PIEZO2: variants seen among roughly 807,000 people sequenced by gnomAD.
PIEZO2 encodes piezo-type mechanosensitive ion channel component 2.
Under a neutral mutation model 337.3 loss-of-function variants are expected in PIEZO2, and 172 were observed. The observed-to-expected ratio is 0.51, with a 90% confidence interval of 0.45 to 0.58. The LOEUF (loss-of-function observed/expected upper bound fraction) is 0.58. Among genes scored for constraint, PIEZO2 ranks in the 20% least tolerant of loss-of-function variants. The pLI, the probability that PIEZO2 is intolerant of heterozygous loss-of-function variation, is 0.00. For synonymous variants in PIEZO2, 1,251 were observed against 1,228.5 expected, an observed-to-expected ratio of 1.02 and a Z score of -0.38; for missense variants, 3,028 against 3,391.3, an observed-to-expected ratio of 0.89 and a Z score of 2.66.
chr18:10,737,216 C>T (rs2037032712), intron 33 of PIEZO2, among the ~76,000 whole-genome samples: 1 of 150,700 alleles, frequency 6.6e-6, no homozygotes, highest in Non-Finnish European at 1.5e-5. Context: ...TCCTCCTTCA[C>T]TTTACACTGT....
intron 52 of PIEZO2, among the ~76,000 whole-genome samples, chr18:10,679,538 AG>A (rs1749103374): frequency 5.5e-5 from 1 of 18,178 alleles, no homozygotes; most frequent in Non-Finnish European, 4.8e-4. Context: ...TCTAAAAACC[AG>A]TATTAATTTA....
At chr18:11,041,634 C>T (rs988489568) in intron 2 of PIEZO2, among the ~76,000 whole-genome samples, 1 of 152,200 alleles carries the variant, frequency 6.6e-6, no homozygotes, top group Admixed American at 6.5e-5. Flanking sequence ...GTTTACACTA[C>T]ATTTTTTCAT....
Position 10,821,576 on chromosome 18 carries a change from A to G in PIEZO2, c.918-14302T>C, listed in dbSNP as rs2040521321. On this transcript the variant is annotated intron_variant, in intron 7 of 55. Coordinates refer to ENST00000674853, the MANE Select transcript of PIEZO2 (RefSeq NM_001378183.1). This position sits in a 1 kb window ranked among gnomAD's most constrained non-coding sequence, Gnocchi z 4.2. The stretch of plus-strand genomic sequence containing the variant: ...CTTATACATTAAAATGAATAATTAC[A>G]TCTTGCCTTATTTTCTCTCTTCTTA... Among the ~76,000 whole-genome samples, 1 of 152,214 alleles carries G rather than the reference A, an allele frequency of 6.6e-6. No individual in the cohort carries two copies. The highest frequency in any genetic ancestry group is 1.5e-5 in the Non-Finnish European group (1 of 68,042).
chr18:10,989,859 TAG>T (rs2035022295), intron 2 of PIEZO2, among the ~76,000 whole-genome samples: 2 of 152,068 alleles, frequency 1.3e-5, no homozygotes, highest in South Asian at 4.1e-4. Context: ...AACATACTGG[TAG>T]TAGAGTGAAA....
In PIEZO2 at chr18:10,989,522, A is replaced by C. The variant is rs1393912809; in HGVS notation, c.161-9862T>G. ...AAAAAGGAGAGATGGATTTGACTGC[A>C]CGGAAACTGGAGATTCAACAAATGC... On this transcript the variant is annotated intron_variant, in intron 2 of 55. Transcript: ENST00000674853. Among the ~76,000 whole-genome samples, 3 of 151,956 alleles carry C rather than the reference A, an allele frequency of 2.0e-5. No homozygotes were observed. The East Asian group carries it at 5.8e-4, about 29-fold the overall frequency.
Position 10,886,376 on chromosome 18 carries a change from GTGTGTATATATATATATATA to G in PIEZO2, c.330-14981_330-14962del, listed in dbSNP as rs1416164326. On this transcript the variant is annotated intron_variant, in intron 4 of 55. Transcript: ENST00000674853. ...CACACACACACATATATATGTGTGT[GTGTGTATATATATATATATA>G]TATATATATATATATATATATATAT... Among the ~76,000 whole-genome samples, 9 of 13,800 alleles carry G rather than the reference GTGTGTATATATATATATATA, an allele frequency of 6.5e-4. 2 individuals carry two copies. The South Asian group carries it at 0.056, about 85-fold the overall frequency. 9.1% of individuals were successfully genotyped at this position (13,800 alleles called of 152,430 possible). A position where few individuals can be genotyped will look rare whatever the true frequency, so the allele number is the denominator to read the frequency against.
In PIEZO2 at chr18:11,097,614, C is replaced by T. The variant is rs1020286506; in HGVS notation, c.65-31392G>A. Among the ~76,000 whole-genome samples the T allele has an allele frequency of 2.6e-5, 4 of 152,238 alleles. No homozygotes were observed. Among genetic ancestry groups the T allele is most frequent in the African/African-American group, 9.6e-5 (4 of 41,472 alleles). ...CACCACCACCAAAACAAGTTGTCTTCACCTGGATGCTCCCCTTCACATATT... is the reference window on the plus strand; with the variant it reads ...CACCACCACCAAAACAAGTTGTCTTTACCTGGATGCTCCCCTTCACATATT... On this transcript the variant is annotated intron_variant, in intron 1 of 55. Coordinates refer to ENST00000674853, the MANE Select transcript of PIEZO2 (RefSeq NM_001378183.1). This position sits in a 1 kb window ranked among gnomAD's most constrained non-coding sequence, Gnocchi z 5.0.
At position 10,716,532 on chromosome 18, in the gene PIEZO2, C is replaced by T. The variant is rs2036016868; in HGVS notation, c.5090-716G>A. ...TACATTTAAGAAGCAAGGAAAAGAGCGGGTATCTTTTGCTGAGCAAGGAGG... is the reference window on the plus strand; with the variant it reads ...TACATTTAAGAAGCAAGGAAAAGAGTGGGTATCTTTTGCTGAGCAAGGAGG... On this transcript the variant is annotated intron_variant, in intron 37 of 55. Coordinates refer to ENST00000674853, the MANE Select transcript of PIEZO2 (RefSeq NM_001378183.1). This position sits in a 1 kb window ranked among gnomAD's most constrained non-coding sequence, Gnocchi z 4.1. Among the ~76,000 whole-genome samples, 1 of 152,100 alleles carries T rather than the reference C, an allele frequency of 6.6e-6. No homozygotes were observed. Among genetic ancestry groups the T allele is most frequent in the Admixed American group, 6.5e-5 (1 of 15,272 alleles).
chr18:10,884,108 G>T (rs1405455072), intron 4 of PIEZO2, among the ~76,000 whole-genome samples: 1 of 152,036 alleles, frequency 6.6e-6, no homozygotes, highest in Non-Finnish European at 1.5e-5. Context: ...ACCGCAACTG[G>T]CCTATGAGTC....
intron 21 of PIEZO2, 193 bp downstream of exon 21, chr18:10,769,955 A>G (rs990571455): frequency 5.5e-6 from 3 of 544,314 alleles, no homozygotes; most frequent in Admixed American, 7.5e-5. Context: ...CGAGAAACTC[A>G]GCCACGAGCC....
chr18:10,880,777 C>T (rs547728101), intron 4 of PIEZO2, among the ~76,000 whole-genome samples: 48 of 145,054 alleles, frequency 3.3e-4, no homozygotes, highest in Admixed American at 7.7e-4. Context: ...ACTTTAAAGG[C>T]AGACAAATAG....
intron 3 of PIEZO2, among the ~76,000 whole-genome samples, chr18:10,958,800 T>C (rs1040954225): frequency 2.6e-5 from 4 of 152,134 alleles, no homozygotes; most frequent in Non-Finnish European, 4.4e-5. Flanking sequence ...GTTAAAACTA[T>C]AAAAATACAG....
rs1360195819 is a variant in PIEZO2, at chr18:11,104,509, TG to T, written c.65-38288del. 6.6e-6 allele frequency among the ~76,000 whole-genome samples: 1 copy of T among 152,160 alleles called. No individual in the cohort carries two copies. Among genetic ancestry groups the T allele is most frequent in the Non-Finnish European group, 1.5e-5 (1 of 68,024 alleles). ...TAGGGGTGGGGCAGGGACGGCCTCC[TG>T]GGCAGGAGAGAAAGCTGGCCTGGAG... On this transcript the variant is annotated intron_variant, in intron 1 of 55. Transcript: ENST00000674853. This position sits in a 1 kb window ranked among gnomAD's most constrained non-coding sequence, Gnocchi z 4.6.
chr18:10,998,108 C>A (rs1239086237), intron 2 of PIEZO2, among the ~76,000 whole-genome samples: 1 of 152,120 alleles, frequency 6.6e-6, no homozygotes, highest in African/African-American at 2.4e-5. Context: ...GGAACAATAT[C>A]TTTAAATCTG....
At chr18:10,904,269 C>A (rs2043120583) in intron 4 of PIEZO2, among the ~76,000 whole-genome samples, 1 of 152,168 alleles carries the variant, frequency 6.6e-6, no homozygotes, top group African/African-American at 2.4e-5. Flanking sequence ...TGGACACGTA[C>A]AGCATGGTAG....
chr18:10,957,903 A>G (rs529771737), intron 3 of PIEZO2, among the ~76,000 whole-genome samples: 20 of 152,354 alleles, frequency 1.3e-4, no homozygotes, highest in African/African-American at 4.6e-4. Context: ...CAACAGATAC[A>G]TGAAAAACTG....
At position 10,763,110 on chromosome 18, in the gene PIEZO2, AAAC is replaced by A. The variant is rs1568030893; in HGVS notation, c.2947-15_2947-13del. 5.2e-6 allele frequency: 8 copies of A among 1,535,456 alleles called. No individual in the cohort carries two copies. The highest frequency in any genetic ancestry group is 3.9e-5 in the Admixed American group (2 of 50,726). On this transcript the variant is annotated splice_polypyrimidine_tract_variant and intron_variant, in intron 21 of 55. Transcript: ENST00000674853. ...TTGAACAGAGACACCTGAAAACGTAAAACCAGAAATGGGGACAAAAATACGTAA... is the reference window on the plus strand; with the variant it reads ...TTGAACAGAGACACCTGAAAACGTAACAGAAATGGGGACAAAAATACGTAA...
At position 11,148,670 on chromosome 18, in the gene PIEZO2, T is replaced by A; in HGVS notation, c.-82A>T. The stretch of plus-strand genomic sequence containing the variant: ...GTGGGACGCAAGGCCCATGCCCGTC[T>A]ATGGCCTCTCGCCGCCGGCAGCTCG... On this transcript the variant is annotated 5_prime_UTR_variant, in exon 1 of 56. An upstream open reading frame in the 5' UTR loses its in-frame stop. Coordinates refer to ENST00000674853, the MANE Select transcript of PIEZO2 (RefSeq NM_001378183.1). The surrounding 1 kb of genome is among the most constrained non-coding windows in gnomAD (Gnocchi z 5.2). 7.0e-7 allele frequency: 1 copy of A among 1,425,274 alleles called. No individual in the cohort carries two copies. Among genetic ancestry groups the A allele is most frequent in the Non-Finnish European group, 9.5e-7 (1 of 1,051,864 alleles). The allele number at this position is 1,425,274 out of a possible 1,614,324, so 88.3% of individuals were successfully genotyped here. A position where few individuals can be genotyped will look rare whatever the true frequency, so the allele number is the denominator to read the frequency against.
chr18:11,041,294 C>T (rs1433936069), intron 2 of PIEZO2, among the ~76,000 whole-genome samples: 1 of 152,124 alleles, frequency 6.6e-6, no homozygotes, highest in East Asian at 1.9e-4. Context: ...GTAGATGGGA[C>T]TACATAATTC....
Sources: allele counts gnomAD v4.1 joint callset (sites outside exome capture counted in the v4.1 genomes callset), GRCh38; gene constraint gnomAD v4.1.1; non-coding constraint Gnocchi (gnomAD v3.1); transcripts MANE v1.5; gene names NCBI Gene and HGNC (gene_info 2026-07-23, HGNC 2026-07-21).